The following AK9 variants were observed in gnomAD, a reference collection of about 807,000 sequenced individuals.
The protein encoded by AK9 is adenylate kinase domain containing 1.
In AK9, 191 loss-of-function variants were observed where a neutral mutation model predicts 239.6. The observed-to-expected ratio is 0.80, with a 90% CI of 0.71 to 0.90. AK9 has a LOEUF of 0.90. Ranked by LOEUF, AK9 falls within the 40% of genes least tolerant of loss-of-function variation. The pLI, the probability that AK9 is intolerant of heterozygous loss-of-function variation, is 0.00. For missense variants in AK9, 1,995 were observed against 2,214.7 expected (o/e 0.90, Z 1.99); for synonymous variants, 689 against 721.0 (o/e 0.96, Z 0.71).
intron 26 of AK9, among the ~76,000 whole-genome samples, chr6:109,542,939 T>C (rs1313341758): frequency 6.6e-6 from 1 of 152,176 alleles, no homozygotes; most frequent in Non-Finnish European, 1.5e-5. Flanking sequence ...TACTTTTTGC[T>C]AAACCTTTTT....
At position 109,662,642 on chromosome 6, in the gene AK9, G is replaced by A. The variant is rs867156997; in HGVS notation, c.353C>T (p.Pro118Leu). ...AGTCATGGCATCCTGTGAAAGTGAT[G>A]GTATTTCAGTGATAATATAACCTGT... ...CHFGYIITEIPSLSQDAMTTL... is the reference protein window; with the variant it reads ...CHFGYIITEILSLSQDAMTTL... The change falls in exon 6 of 41, where the codon CCA becomes CTA. Residue 118 changes from proline to leucine, a missense_variant. This residue lies in a region of AK9 where 252 missense variants were observed against 246.4 expected (regional missense o/e 1.02). Coordinates refer to ENST00000424296, the MANE Select transcript of AK9 (RefSeq NM_001145128.3). The A allele has an allele frequency of 1.9e-6, 3 of 1,562,582 alleles. No homozygotes were observed. The highest frequency in any genetic ancestry group is 1.2e-5 in the South Asian group (1 of 81,802).
intron 29 of AK9, among the ~76,000 whole-genome samples, chr6:109,523,811 A>G (rs571699614): frequency 2.2e-4 from 34 of 152,268 alleles, no homozygotes; most frequent in African/African-American, 8.2e-4. Context: ...CGGTTCAAGA[A>G]CAGTATACAC....
chr6:109,502,251 C>T (rs1777671886), intron 35 of AK9, among the ~76,000 whole-genome samples: 1 of 152,128 alleles, frequency 6.6e-6, no homozygotes. Context: ...AATTACGTTT[C>T]CCAAAAAGAT....
Position 109,675,656 on chromosome 6 carries a change from A to G in AK9, c.90T>C (p.Pro30=). 6.3e-7 allele frequency: 1 copy of G among 1,576,224 alleles called. No individual in the cohort carries two copies. Among genetic ancestry groups the G allele is most frequent in the Non-Finnish European group, 8.6e-7 (1 of 1,162,940 alleles). The change falls in exon 2 of 41, where the codon CCT becomes CCC. Residue 30 remains proline (P), a synonymous_variant. Transcript: ENST00000424296. ...GTTTCCCAAATACAACAAAGCAAAC[A>G]GGTTTGGACAACAAAAAATTCCTTT... ...ETERNFLLSK[P]VCFVVFGKPG... is the part of the protein sequence containing the mutation.
intron 12 of AK9, among the ~76,000 whole-genome samples, chr6:109,620,661 T>A (rs1157005436): frequency 1.3e-5 from 2 of 152,034 alleles, no homozygotes; most frequent in East Asian, 3.8e-4. Flanking sequence ...CAATAAATCT[T>A]CATCCACATC....
At chr6:109,579,144 A>G (rs1350060456) in intron 20 of AK9, among the ~76,000 whole-genome samples, 4 of 152,212 alleles carry the variant, frequency 2.6e-5, no homozygotes, top group African/African-American at 7.2e-5. Context: ...TAAAGAGAGT[A>G]AGTGGGTAAT....
chr6:109,666,074 C>G (rs1422419398), intron 5 of AK9, among the ~76,000 whole-genome samples: 1 of 152,168 alleles, frequency 6.6e-6, no homozygotes. Context: ...GGATCTAGCT[C>G]TCTCTTGAAA....
chr6:109,632,654 G>C (rs1261033421), intron 12 of AK9: 3 of 673,754 alleles, frequency 4.5e-6, no homozygotes, highest in Non-Finnish European at 6.1e-6. Context: ...ATAGGTGGCA[G>C]AGTCTGAATG....
At chr6:109,559,535 G>C (rs1349191721) in intron 24 of AK9, among the ~76,000 whole-genome samples, 1 of 152,188 alleles carries the variant, frequency 6.6e-6, no homozygotes, top group African/African-American at 2.4e-5. Context: ...GTAGTTTTTA[G>C]TGTGTTGTTC....
At chr6:109,608,133 G>T (rs1269392827) in intron 17 of AK9, among the ~76,000 whole-genome samples, 1 of 151,918 alleles carries the variant, frequency 6.6e-6, no homozygotes, top group African/African-American at 2.4e-5. Context: ...CAAAAAATTA[G>T]CCAGGCATGG....
At position 109,656,902 on chromosome 6, in the gene AK9, G is replaced by A; in HGVS notation, c.631-18C>T. The A allele has an allele frequency of 6.2e-7, 1 of 1,610,662 alleles. No individual in the cohort carries two copies. The highest frequency in any genetic ancestry group is 8.5e-7 in the Non-Finnish European group (1 of 1,178,078). On this transcript the variant is annotated intron_variant, in intron 7 of 40. Coordinates refer to ENST00000424296, the MANE Select transcript of AK9 (RefSeq NM_001145128.3). ...ATAAATGCCTAAATGGAAAAGAAGA[G>A]ATTTCAAATATCTTTAGGTCAATGA...
intron 16 of AK9, 44 bp from the exon 17 acceptor site, chr6:109,610,557 A>G (rs1264585047): frequency 6.6e-7 from 1 of 1,513,804 alleles, no homozygotes; most frequent in Non-Finnish European, 8.9e-7. Flanking sequence ...TAATAATTTT[A>G]GTGGACAATA....
chr6:109,622,247 A>G (rs895250122), intron 12 of AK9, among the ~76,000 whole-genome samples: 1 of 144,760 alleles, frequency 6.9e-6, no homozygotes, highest in Non-Finnish European at 1.5e-5. Context: ...TATATTATAT[A>G]TTATGTACAT....
At chr6:109,515,518 T>G (rs1370464335) in intron 31 of AK9, among the ~76,000 whole-genome samples, 1 of 152,170 alleles carries the variant, frequency 6.6e-6, no homozygotes, top group Non-Finnish European at 1.5e-5. Flanking sequence ...TGCTCCTCCC[T>G]GAGAGCTACC....
chr6:109,601,777 T>C (rs967143608), intron 17 of AK9, among the ~76,000 whole-genome samples: 6 of 152,230 alleles, frequency 3.9e-5, no homozygotes, highest in Non-Finnish European at 1.5e-5. Flanking sequence ...ATTGGGTGCA[T>C]ATATGTTTAG....
chr6:109,598,249 G>C (rs1240353283), intron 17 of AK9, among the ~76,000 whole-genome samples: 4 of 142,556 alleles, frequency 2.8e-5, no homozygotes, highest in Non-Finnish European at 1.5e-5. Flanking sequence ...ACAGTCCCCG[G>C]TGTGTGATGT....
intron 27 of AK9, among the ~76,000 whole-genome samples, chr6:109,537,089 G>A (rs1010392033): frequency 2.0e-5 from 3 of 152,132 alleles, no homozygotes; most frequent in African/African-American, 7.2e-5. Flanking sequence ...TCTCTGCCAG[G>A]CTTTGGTATC....
chr6:109,674,060 G>T, intron 3 of AK9, 138 bp downstream of exon 3: 1 of 504,020 alleles, frequency 2.0e-6, no homozygotes, highest in Non-Finnish European at 3.2e-6. Flanking sequence ...ACAAATGTGT[G>T]ATAAAGCAAA....
intron 36 of AK9, 93 bp from the exon 37 acceptor site, chr6:109,498,058 T>C (rs1777251158): frequency 8.0e-7 from 1 of 1,245,206 alleles, no homozygotes; most frequent in Non-Finnish European, 1.1e-6. Context: ...CCCTCCCCAT[T>C]TTCAGTAGCA....
Sources: allele counts gnomAD v4.1 joint callset (sites outside exome capture counted in the v4.1 genomes callset), GRCh38; gene constraint gnomAD v4.1.1; regional missense constraint gnomAD v4.1.1; transcripts MANE v1.5; gene names NCBI Gene and HGNC (gene_info 2026-07-23, HGNC 2026-07-21).